The following UBN2 variants were observed in gnomAD, a reference collection of about 807,000 sequenced individuals.
UBN2 encodes the protein ubinuclein 2, also known as ubinuclein-2.
UBN2 carries 35 observed loss-of-function variants against 120.2 expected under a neutral mutation model. That is an observed-to-expected ratio of 0.29 (90% CI 0.22 to 0.39). The LOEUF (loss-of-function observed/expected upper bound fraction) is 0.39, where lower values mean the gene tolerates loss of function less well. Among genes scored for constraint, UBN2 ranks in the 10% least tolerant of loss-of-function variants. UBN2 has a pLI of 1.00. For missense variants in UBN2, 1,693 were observed against 1,663.2 expected (o/e 1.02, Z -0.31); for synonymous variants, 661 against 648.7 (o/e 1.02, Z -0.29).
chr7:139,324,928 C>T, the UBN2 span, among the ~76,000 whole-genome samples: 1 of 151,982 alleles, frequency 6.6e-6, no homozygotes, highest in Non-Finnish European at 1.5e-5. Context: ...CGAGATTGCG[C>T]CACTGGACTC....
Position 139,231,596 on chromosome 7 carries a change from C to A in UBN2, c.112C>A (p.Leu38Met), listed in dbSNP as rs966836809. ...CGAGTACCCCCGCGAGCCCCCCCGGCTGGAGCCGCAGCCGTACCGCGAGCC... is the reference window on the plus strand; with the variant it reads ...CGAGTACCCCCGCGAGCCCCCCCGGATGGAGCCGCAGCCGTACCGCGAGCC... The part of the protein sequence containing the change: ...EPEYPREPPR[L>M]EPQPYREPAR... Residue 38 changes from leucine to methionine, a missense_variant, in exon 1 of 18, where the codon CTG becomes ATG. Transcript: ENST00000473989. 5 of 1,387,928 alleles carry A rather than the reference C, an allele frequency of 3.6e-6. No homozygotes were observed. Among genetic ancestry groups the A allele is most frequent in the Non-Finnish European group, 4.7e-6 (5 of 1,062,650 alleles). 86.0% of individuals were successfully genotyped at this position (1,387,928 alleles called of 1,614,324 possible).
chr7:139,316,077 C>CAAAAAAAAAAAAAAAAAAAAA, the UBN2 span, among the ~76,000 whole-genome samples: 1 of 14,160 alleles, frequency 7.1e-5, no homozygotes, highest in African/African-American at 1.8e-4. Context: ...GACTTCGTCT[C>CAAAAAAAAAAAAAAAAAAAAA]AAAAAAAAAA....
At chr7:139,293,636 GT>G in intron 16 of UBN2, 173 bp downstream of exon 16, 1 of 652,154 alleles carries the variant, frequency 1.5e-6, no homozygotes, top group East Asian at 2.7e-5. Context: ...GGACACTGGG[GT>G]TTTATATACA....
In UBN2 at chr7:139,284,581, A is replaced by G. The variant is rs774854974; in HGVS notation, c.3669+7A>G. The G allele has an allele frequency of 5.6e-6, 9 of 1,598,632 alleles. No homozygotes were observed. The highest frequency in any genetic ancestry group is 5.1e-5 in the Admixed American group (3 of 59,378). On this transcript the variant is annotated splice_region_variant and intron_variant, in intron 15 of 17. Transcript: ENST00000473989. ...GGTAACAGCCAGTGTGCAGGTATGT[A>G]TGTTCTGTACGTCCATGTGATAAAC... is the stretch of plus-strand genomic sequence containing the variant.
At chr7:139,314,976 ATAT>A in the UBN2 span, among the ~76,000 whole-genome samples, 5 of 147,958 alleles carry the variant, frequency 3.4e-5, no homozygotes, top group Non-Finnish European at 5.9e-5. Context: ...AATAATAATA[ATAT>A]TATTATTATT....
chr7:139,234,839 G>A (rs962606140), intron 1 of UBN2, among the ~76,000 whole-genome samples: 6 of 152,204 alleles, frequency 3.9e-5, no homozygotes, highest in East Asian at 1.9e-4. Flanking sequence ...CATTGTTTGC[G>A]TATTTTTGAT....
chr7:139,278,974 G>A (rs1185667557), intron 12 of UBN2, among the ~76,000 whole-genome samples: 5 of 151,868 alleles, frequency 3.3e-5, no homozygotes, highest in African/African-American at 4.8e-5. Flanking sequence ...TTTTGGTTAA[G>A]TTAAATCTCA....
chr7:139,257,355 A>G (rs760273520), intron 3 of UBN2, among the ~76,000 whole-genome samples: 5 of 152,114 alleles, frequency 3.3e-5, no homozygotes, highest in African/African-American at 9.7e-5. Flanking sequence ...ATGCTATTCA[A>G]TTCTTTTAAA....
chr7:139,241,450 A>G lies in UBN2; in HGVS notation c.561+4353A>G, dbSNP rs529143346. On this transcript the variant is annotated intron_variant, in intron 2 of 17. Transcript: ENST00000473989. ...CACATTATAACTTTAAAATCTGCTT[A>G]CTGTGCTATATAGACCTTGAATACT... 2.6e-5 allele frequency among the ~76,000 whole-genome samples: 4 copies of G among 152,338 alleles called. No homozygotes were observed. In the South Asian group the frequency reaches 8.3e-4, roughly 32 times the overall value.
Position 139,305,727 on chromosome 7 carries a change from G to A in UBN2, c.*7891G>A, listed in dbSNP as rs933964083. On this transcript the variant is annotated 3_prime_UTR_variant, in exon 18 of 18. Coordinates refer to ENST00000473989, the MANE Select transcript of UBN2 (RefSeq NM_173569.4). ...TGTCTAGGACTTACAGTCATCAGTG[G>A]TCATCACTGGGACTAGAGGTGTTCT... is the stretch of plus-strand genomic sequence containing the variant. The A allele has an allele frequency of 6.6e-6, 1 of 152,090 alleles. No homozygotes were observed. Among genetic ancestry groups the A allele is most frequent in the Non-Finnish European group, 1.5e-5 (1 of 68,002 alleles). The allele number at this position is 152,090 out of a possible 1,614,324, so 9.4% of individuals were successfully genotyped here.
rs751554971 is a variant in UBN2, at chr7:139,284,132, T to C, written c.3227T>C (p.Ile1076Thr). 1.6e-5 allele frequency: 26 copies of C among 1,614,002 alleles called. No individual in the cohort carries two copies. The highest frequency in any genetic ancestry group is 5.5e-5 in the South Asian group (5 of 91,076). ...AAGCCTTCAGTATCAACTAAACTTA[T>C]TTCTAAATCCAACCCAACTCCCAAG... ...SAKPSVSTKL[I>T]SKSNPTPKPT... Residue 1076 changes from isoleucine to threonine, a missense_variant, in exon 15 of 18, where the codon ATT becomes ACT. Ile to Thr is a moderately conservative substitution (Grantham distance 89). Transcript: ENST00000473989.
chr7:139,243,330 A>G (rs1251169846), intron 2 of UBN2, among the ~76,000 whole-genome samples: 1 of 152,118 alleles, frequency 6.6e-6, no homozygotes, highest in East Asian at 1.9e-4. Context: ...ATAAGTTTTG[A>G]TTTTTATAAG....
chr7:139,323,604 T>A, the UBN2 span, among the ~76,000 whole-genome samples: 1 of 140,158 alleles, frequency 7.1e-6, no homozygotes, highest in Non-Finnish European at 1.6e-5. Context: ...TATTATTATT[T>A]TTGAGACGGA....
chr7:139,284,688 A>G, intron 15 of UBN2, 114 bp downstream of exon 15: 1 of 886,742 alleles, frequency 1.1e-6, no homozygotes, highest in South Asian at 1.8e-5. Context: ...CAATTGGCTT[A>G]TTACAGCCTG....
At chr7:139,329,711 T>G in the UBN2 span, among the ~76,000 whole-genome samples, 1 of 151,948 alleles carries the variant, frequency 6.6e-6, no homozygotes, top group African/African-American at 2.4e-5. Context: ...CTTGTCCCAG[T>G]ATGTTTCTGC....
intron 6 of UBN2, among the ~76,000 whole-genome samples, chr7:139,262,855 C>A (rs1187229331): frequency 6.6e-6 from 1 of 152,084 alleles, no homozygotes; most frequent in East Asian, 1.9e-4. Context: ...TTCCATGTGG[C>A]CCCATCTCTA....
At chr7:139,281,515 C>T (rs985771559) in intron 13 of UBN2, among the ~76,000 whole-genome samples, 8 of 152,140 alleles carry the variant, frequency 5.3e-5, no homozygotes, top group African/African-American at 1.9e-4. Flanking sequence ...TCCGTCCATC[C>T]ATACATCCAT....
At chr7:139,293,054 A>G (rs1798005684) in intron 15 of UBN2, among the ~76,000 whole-genome samples, 178 bp from the exon 16 acceptor site, 1 of 152,184 alleles carries the variant, frequency 6.6e-6, no homozygotes, top group South Asian at 2.1e-4. Context: ...TGTTCATGTA[A>G]GTGCCACTAA....
chr7:139,280,709 G>A (rs569550278), intron 13 of UBN2, among the ~76,000 whole-genome samples: 4 of 152,222 alleles, frequency 2.6e-5, no homozygotes, highest in Non-Finnish European at 4.4e-5. Flanking sequence ...GCAGTGGTGC[G>A]ATCTCGGCTC....
Sources: allele counts gnomAD v4.1 joint callset (sites outside exome capture counted in the v4.1 genomes callset), GRCh38; gene constraint gnomAD v4.1.1; transcripts MANE v1.5; gene names NCBI Gene and HGNC (gene_info 2026-07-23, HGNC 2026-07-21).